The following NUP107 variants were observed in gnomAD, a reference collection of about 807,000 sequenced individuals.
NUP107 encodes nuclear pore complex protein Nup107.
In NUP107, 101 loss-of-function variants were observed where a neutral mutation model predicts 141.0. The observed-to-expected ratio is 0.72, with a 90% CI of 0.61 to 0.84. NUP107 has a LOEUF of 0.84. Among genes scored for constraint, NUP107 ranks in the 40% least tolerant of loss-of-function variants. The probability of loss-of-function intolerance (pLI) is 0.00; values close to 1 mark genes in which losing one functional copy is unlikely to be tolerated. For missense variants in NUP107, 941 were observed against 1,102.7 expected (o/e 0.85, Z 2.08); for synonymous variants, 319 against 363.9 (o/e 0.88, Z 1.41).
chr12:68,727,199 G>A, intron 19 of NUP107, 152 bp from the exon 20 acceptor site: 1 of 451,714 alleles, frequency 2.2e-6, no homozygotes. Context: ...GGCAGTAGAT[G>A]AACTTTGGTA....
At chr12:68,710,817 A>G (rs1876818038) in intron 10 of NUP107, among the ~76,000 whole-genome samples, 1 of 152,204 alleles carries the variant, frequency 6.6e-6, no homozygotes, top group African/African-American at 2.4e-5. Flanking sequence ...AGTATATGGG[A>G]GAACATGTGT....
At chr12:68,716,234 TTTCTTTCTTTC>T (rs1877102034) in intron 12 of NUP107, among the ~76,000 whole-genome samples, 3 of 130,406 alleles carry the variant, frequency 2.3e-5, no homozygotes, top group South Asian at 6.7e-4. Flanking sequence ...TCTTTCTTTC[TTTCTTTCTTTC>T]TTTTTTTTTT....
chr12:68,714,890 C>T (rs921283301), intron 11 of NUP107, among the ~76,000 whole-genome samples: 1 of 152,140 alleles, frequency 6.6e-6, no homozygotes, highest in African/African-American at 2.4e-5. Flanking sequence ...CCCATATGTT[C>T]TCAAAAAGTA....
intron 12 of NUP107, among the ~76,000 whole-genome samples, chr12:68,718,846 T>TTATGTATG (rs72374995): frequency 0.014 from 2,105 of 148,930 alleles, 21 homozygotes; most frequent in East Asian, 0.019. Flanking sequence ...TAGAATGCCA[T>TTATGTATG]TATGTATGTA....
chr12:68,694,550 A>C (rs958719512), intron 5 of NUP107, among the ~76,000 whole-genome samples: 9 of 152,322 alleles, frequency 5.9e-5, no homozygotes, highest in Admixed American at 5.2e-4. Flanking sequence ...AAAATGTATA[A>C]AAACTGCTAC....
chr12:68,707,149 A>T, intron 8 of NUP107: 2 of 540,258 alleles, frequency 3.7e-6, no homozygotes, highest in South Asian at 4.7e-5. Context: ...AGCACAGGGA[A>T]CAGGAGACCC....
intron 26 of NUP107, among the ~76,000 whole-genome samples, chr12:68,738,198 C>G (rs149662886): frequency 6.6e-6 from 1 of 152,096 alleles, no homozygotes; most frequent in Admixed American, 6.6e-5. Context: ...ATCACTTGAA[C>G]CTGGGAGGCG....
At position 68,722,144 on chromosome 12, in the gene NUP107, G is replaced by C; in HGVS notation, c.1498G>C (p.Asp500His). ...EKVFEELQATDKKRVLEENQE... is the reference protein window; with the variant it reads ...EKVFEELQATHKKRVLEENQE... Reference sequence around the variant, plus strand: ...GGTTTTTGAGGAACTTCAAGCTACTGACAAAAAGGTAAATGTTAATAGGAA... The same window carrying C: ...GGTTTTTGAGGAACTTCAAGCTACTCACAAAAAGGTAAATGTTAATAGGAA... Residue 500 changes from aspartate (D) to histidine (H), a missense_variant, in exon 17 of 28, where the codon GAC becomes CAC. Physicochemically the swap from Asp to His is moderately conservative, Grantham distance 81. Coordinates refer to ENST00000229179, the MANE Select transcript of NUP107 (RefSeq NM_020401.4). The C allele has an allele frequency of 6.2e-7, 1 of 1,612,838 alleles. No individual in the cohort carries two copies. Among genetic ancestry groups the C allele is most frequent in the Non-Finnish European group, 8.5e-7 (1 of 1,179,468 alleles).
At chr12:68,714,600 A>T (rs1471125447) in intron 11 of NUP107, among the ~76,000 whole-genome samples, 1 of 152,232 alleles carries the variant, frequency 6.6e-6, no homozygotes, top group African/African-American at 2.4e-5. Context: ...ATTACCATAC[A>T]CTAAGTAACA....
intron 24 of NUP107, among the ~76,000 whole-genome samples, 155 bp from the exon 25 acceptor site, chr12:68,734,553 T>C (rs930202411): frequency 6.6e-6 from 1 of 152,188 alleles, no homozygotes; most frequent in African/African-American, 2.4e-5. Context: ...ATTCATGATA[T>C]GAATTTTTGG....
In NUP107 at chr12:68,689,596, C is replaced by T. The variant is rs1427647258; in HGVS notation, c.164C>T (p.Thr55Ile). ...CCAAGAAACCAGGTTATCCCTCGAA[C>T]TCCTAGCTCATTTCGACAGCCTTGT... The part of the protein sequence containing the change: ...TTPRNQVIPR[T>I]PSSFRQPFTP... Residue 55 changes from threonine (T) to isoleucine (I), a missense_variant, in exon 3 of 28, where the codon ACT (threonine) becomes ATT (isoleucine). Transcript: ENST00000229179. 6.2e-7 allele frequency: 1 copy of T among 1,612,058 alleles called. No individual in the cohort carries two copies. The highest frequency in any genetic ancestry group is 8.5e-7 in the Non-Finnish European group (1 of 1,179,062).
At chr12:68,720,286 A>C (rs571727688) in intron 14 of NUP107, among the ~76,000 whole-genome samples, 1 of 152,292 alleles carries the variant, frequency 6.6e-6, no homozygotes, top group African/African-American at 2.4e-5. Flanking sequence ...TAAATACTAC[A>C]ATAAATATGG....
At chr12:68,740,378 GAAAT>G (rs933766455) in intron 26 of NUP107, among the ~76,000 whole-genome samples, 1 of 152,168 alleles carries the variant, frequency 6.6e-6, no homozygotes, top group African/African-American at 2.4e-5. Flanking sequence ...TTTGAGAAAA[GAAAT>G]AAAGGTGCTT....
rs150877397 is a variant in NUP107 at position 68,705,185 on chromosome 12, C to G, written c.729+2401C>G. 1.6e-3 allele frequency among the ~76,000 whole-genome samples: 239 copies of G among 152,302 alleles called. 1 individual carries two copies. Among genetic ancestry groups the G allele is most frequent in the African/African-American group, 5.3e-3 (222 of 41,566 alleles). On this transcript the variant is annotated intron_variant, in intron 8 of 27. Transcript: ENST00000229179. Reference sequence around the variant, plus strand: ...TTTTAATTTGTTTATCCCACAAATACTTCATTCCAAATGCACATGTAGGAA... The same window carrying G: ...TTTTAATTTGTTTATCCCACAAATAGTTCATTCCAAATGCACATGTAGGAA...
chr12:68,735,231 A>G lies in NUP107; in HGVS notation c.2389A>G (p.Met797Val), dbSNP rs771067571. The change falls in exon 26 of 28, where the codon ATG (methionine) becomes GTG (valine). Residue 797 changes from methionine (M) to valine (V), a missense_variant and splice_region_variant. Coordinates refer to ENST00000229179, the MANE Select transcript of NUP107 (RefSeq NM_020401.4). ...AHEHKEKKYEMDFGIWKGHLD... is the reference protein window; with the variant it reads ...AHEHKEKKYEVDFGIWKGHLD... ...TGTCTGCCTTGTGTTTGTTTTGCAG[A>G]TGGATTTTGGTATTTGGAAAGGGCA... is the stretch of plus-strand genomic sequence containing the variant. 3 of 1,601,610 alleles carry G rather than the reference A, an allele frequency of 1.9e-6. No individual in the cohort carries two copies. Among genetic ancestry groups the G allele is most frequent in the South Asian group, 1.1e-5 (1 of 90,808 alleles).
intron 13 of NUP107, 46 bp downstream of exon 13, chr12:68,719,477 C>T (rs751847527): frequency 3.9e-6 from 6 of 1,556,456 alleles, no homozygotes; most frequent in South Asian, 3.4e-5. Flanking sequence ...AAAGGCATTT[C>T]GCTCTAAATG....
At chr12:68,702,635 A>G (rs1238152558) in intron 7 of NUP107, 101 bp from the exon 8 acceptor site, 2 of 768,646 alleles carry the variant, frequency 2.6e-6, no homozygotes, top group Non-Finnish European at 4.3e-6. Context: ...AAAATTTTTA[A>G]AAAGAAGTTA....
chr12:68,736,913 G>A (rs1878098337), intron 26 of NUP107, among the ~76,000 whole-genome samples: 1 of 151,758 alleles, frequency 6.6e-6, no homozygotes, highest in Non-Finnish European at 1.5e-5. Flanking sequence ...TGTTGGCCAG[G>A]CTGGTCTCGA....
chr12:68,694,579 C>T (rs1875959557), intron 5 of NUP107, among the ~76,000 whole-genome samples: 1 of 152,062 alleles, frequency 6.6e-6, no homozygotes, highest in Non-Finnish European at 1.5e-5. Context: ...AACAAAAAAA[C>T]AACCCAATTT....
Sources: allele counts gnomAD v4.1 joint callset (sites outside exome capture counted in the v4.1 genomes callset), GRCh38; gene constraint gnomAD v4.1.1; transcripts MANE v1.5; gene names NCBI Gene and HGNC (gene_info 2026-07-23, HGNC 2026-07-21).